DAB1: variants seen among roughly 807,000 people sequenced by gnomAD.
DAB1 encodes DAB adaptor protein 1.
In DAB1, 15 loss-of-function variants were observed where a neutral mutation model predicts 64.6. The ratio of observed to expected loss-of-function variants is 0.23; its 90% CI spans 0.16 to 0.36. DAB1 has a LOEUF of 0.36. Among genes scored for constraint, DAB1 ranks in the 10% least tolerant of loss-of-function variants. The probability of loss-of-function intolerance (pLI) is 1.00; values close to 1 mark genes in which losing one functional copy is unlikely to be tolerated. For synonymous variants in DAB1, 235 were observed against 251.9 expected, an observed-to-expected ratio of 0.93 and a Z score of 0.64; for missense variants, 596 against 706.7, an observed-to-expected ratio of 0.84 and a Z score of 1.78.
At chr1:57,724,167 A>G (rs1366438665) in intron 6 of DAB1, among the ~76,000 whole-genome samples, 1 of 147,950 alleles carries the variant, frequency 6.8e-6, no homozygotes, top group African/African-American at 2.5e-5. Flanking sequence ...TCTGATTTGC[A>G]TTCTGTTTTC....
At chr1:58,112,396 A>G (rs1652023852) in intron 5 of DAB1, among the ~76,000 whole-genome samples, 1 of 152,248 alleles carries the variant, frequency 6.6e-6, no homozygotes, top group Admixed American at 6.5e-5. Context: ...TTTTGAATTA[A>G]TAACTGCATG....
At chr1:57,480,515 C>T (rs770402715) in intron 7 of DAB1, among the ~76,000 whole-genome samples, 22 of 150,474 alleles carry the variant, frequency 1.5e-4, no homozygotes, top group African/African-American at 2.2e-4. Flanking sequence ...GACAGAGTCT[C>T]GCTCTGTCAC....
At chr1:57,237,287 C>A (rs974249824) in intron 2 of DAB1, among the ~76,000 whole-genome samples, 1 of 152,150 alleles carries the variant, frequency 6.6e-6, no homozygotes, top group South Asian at 2.1e-4. Flanking sequence ...TAAAAGACAA[C>A]CTGTCCCCAT....
chr1:58,049,736 G>A (rs61768309), intron 5 of DAB1, among the ~76,000 whole-genome samples: 25,999 of 151,974 alleles, frequency 0.17, 2,912 homozygotes, highest in Admixed American at 0.22. Context: ...ACCTCACATT[G>A]CAGGATAGTT....
intron 4 of DAB1, among the ~76,000 whole-genome samples, chr1:58,169,083 C>A (rs749643886): frequency 1.3e-5 from 2 of 152,200 alleles, no homozygotes; most frequent in Non-Finnish European, 2.9e-5. Context: ...CTATTCTGAT[C>A]AGCAGGGTCC....
chr1:57,450,466 T>C (rs910697951), intron 7 of DAB1, among the ~76,000 whole-genome samples: 26 of 152,228 alleles, frequency 1.7e-4, no homozygotes, highest in African/African-American at 5.1e-4. Context: ...AACTTTACTA[T>C]GTAGCTCTGA....
chr1:58,464,977 G>A (rs1473131894), intron 3 of DAB1, among the ~76,000 whole-genome samples: 2 of 152,224 alleles, frequency 1.3e-5, no homozygotes, highest in Non-Finnish European at 2.9e-5. Flanking sequence ...AACAGACTCA[G>A]AAGAGCTCAT....
At chr1:57,510,473 A>G (rs1030304516) in intron 7 of DAB1, among the ~76,000 whole-genome samples, 3 of 152,238 alleles carry the variant, frequency 2.0e-5, no homozygotes, top group African/African-American at 7.2e-5. Context: ...TGAGCTCACC[A>G]TGGCTTAAGT....
At chr1:57,925,261 C>G (rs996166873) in intron 5 of DAB1, among the ~76,000 whole-genome samples, 1 of 152,172 alleles carries the variant, frequency 6.6e-6, no homozygotes, top group Non-Finnish European at 1.5e-5. Context: ...AGTCATTGTT[C>G]AGACCTCTGG....
In DAB1 at chr1:57,328,256, G is replaced by A. The variant is rs981318828; in HGVS notation, c.-136-37090C>T. ...AGCCTACCTGTAAGGAGAATGGCTA[G>A]CGGCAGATCTTGAGTCCAACCTCTG... is the stretch of plus-strand genomic sequence containing the variant. On this transcript the variant is annotated intron_variant, in intron 1 of 14. Transcript: ENST00000371236. Among the ~76,000 whole-genome samples the A allele has an allele frequency of 2.6e-5, 4 of 152,230 alleles. No homozygotes were observed. The South Asian group carries it at 8.3e-4, about 31-fold the overall frequency.
chr1:58,431,339 CA>C, intron 3 of DAB1, among the ~76,000 whole-genome samples: 1 of 152,174 alleles, frequency 6.6e-6, no homozygotes, highest in South Asian at 2.1e-4. Flanking sequence ...GCAGATGGAT[CA>C]CTATGTCAAG....
intron 5 of DAB1, among the ~76,000 whole-genome samples, chr1:58,120,224 C>T (rs1652657014): frequency 6.6e-6 from 1 of 152,098 alleles, no homozygotes; most frequent in South Asian, 2.1e-4. Flanking sequence ...AGTAATATCC[C>T]TTCAAAAGGT....
chr1:57,495,172 T>A (rs1034047750), intron 7 of DAB1, among the ~76,000 whole-genome samples: 1 of 152,158 alleles, frequency 6.6e-6, no homozygotes, highest in African/African-American at 2.4e-5. Context: ...TCTAAAAATA[T>A]GAGATTTGCC....
chr1:57,717,037 A>G (rs1382442652), intron 6 of DAB1, among the ~76,000 whole-genome samples: 2 of 152,038 alleles, frequency 1.3e-5, no homozygotes, highest in Non-Finnish European at 2.9e-5. Flanking sequence ...TCAGGAGTTC[A>G]AGACCAGGCT....
chr1:58,454,323 G>A lies in DAB1; in HGVS notation n.257+51737C>T, dbSNP rs185516666. ...GTCAAGACTACACGTCCAGCTGCAG[G>A]AGCAACTGCAGTTTGGGGGCAGCCA... On this transcript the variant is annotated intron_variant and non_coding_transcript_variant, in intron 3 of 20. Coordinates refer to the DAB1 transcript ENST00000485760. 7.2e-5 allele frequency among the ~76,000 whole-genome samples: 11 copies of A among 152,238 alleles called. No individual in the cohort carries two copies. The East Asian group carries it at 2.1e-3, about 29-fold the overall frequency.
chr1:57,407,658 G>T (rs1022488744), intron 1 of DAB1, among the ~76,000 whole-genome samples: 2 of 152,196 alleles, frequency 1.3e-5, no homozygotes, highest in Non-Finnish European at 2.9e-5. Context: ...TGGTCACAGA[G>T]CTAGTTATCA....
At chr1:57,271,848 G>A (rs981350885) in intron 2 of DAB1, among the ~76,000 whole-genome samples, 9 of 152,148 alleles carry the variant, frequency 5.9e-5, no homozygotes, top group South Asian at 2.1e-4. Context: ...CACACTGATT[G>A]TTCCAAACTC....
At chr1:57,322,047 T>C (rs1675766640) in intron 1 of DAB1, among the ~76,000 whole-genome samples, 1 of 152,208 alleles carries the variant, frequency 6.6e-6, no homozygotes, top group South Asian at 2.1e-4. Context: ...TGAATCCCAC[T>C]GGCCCTAGCT....
intron 5 of DAB1, among the ~76,000 whole-genome samples, chr1:58,115,797 A>G (rs1378749775): frequency 8.7e-6 from 1 of 115,152 alleles, no homozygotes; most frequent in Non-Finnish European, 1.8e-5. Flanking sequence ...ATGAGATCAC[A>G]TGGACACAGG....
Sources: allele counts gnomAD v4.1 joint callset (sites outside exome capture counted in the v4.1 genomes callset), GRCh38; gene constraint gnomAD v4.1.1; transcripts MANE v1.5; gene names NCBI Gene and HGNC (gene_info 2026-07-23, HGNC 2026-07-21).